ZNF81: variants seen among roughly 807,000 people sequenced by gnomAD.
ZNF81 encodes zinc finger protein 81 (HFZ20).
A neutral mutation model predicts 32.3 loss-of-function variants in ZNF81; 5 were observed. The observed-to-expected ratio is 0.15, with a 90% confidence interval of 0.08 to 0.33. The LOEUF (loss-of-function observed/expected upper bound fraction) is 0.33. ZNF81 is among the 10% of genes least tolerant of loss of function. The pLI, the probability that ZNF81 is intolerant of heterozygous loss-of-function variation, is 1.00. For missense variants in ZNF81, 379 were observed against 479.8 expected (o/e 0.79, Z 1.96); for synonymous variants, 163 against 166.8 (o/e 0.98, Z 0.17).
In ZNF81 at chrX:47,919,852, C is replaced by A. The variant is rs1198500213; in HGVS notation, c.*3220C>A. 1 of 111,593 alleles carries A rather than the reference C, an allele frequency of 9.0e-6. No individual in the cohort carries two copies. Among genetic ancestry groups the A allele is most frequent in the Non-Finnish European group, 1.9e-5 (1 of 53,111 alleles). The allele number at this position is 111,593 out of a possible 1,213,427, so 9.2% of individuals were successfully genotyped here. The stretch of plus-strand genomic sequence containing the variant: ...ATGCAATCATTCAGCCCATAATACC[C>A]TCTAACATATTAATCATAGTTATTT... On this transcript the variant is annotated 3_prime_UTR_variant, in exon 5 of 5. Coordinates refer to ENST00000338637, the MANE Select transcript of ZNF81 (RefSeq NM_007137.5).
chrX:47,852,039 C>T (rs1475418920), intron 2 of ZNF81, among the ~76,000 whole-genome samples: 2 of 112,487 alleles, frequency 1.8e-5, no homozygotes, highest in Non-Finnish European at 3.8e-5. Flanking sequence ...TGCAATAAAG[C>T]GAGTATCTCA....
Position 47,903,309 on chromosome X carries a change from C to G in ZNF81, c.277+7369C>G, listed in dbSNP as rs1344110558. On this transcript the variant is annotated intron_variant, in intron 4 of 4. Transcript: ENST00000338637. ...ATGACATGATTGTATATCTAGAAAA[C>G]CCCATTGTCTCAGCCCAAAATCTCC... is the stretch of plus-strand genomic sequence containing the variant. Among the ~76,000 whole-genome samples, 3 of 102,807 alleles carry G rather than the reference C, an allele frequency of 2.9e-5. No individual in the cohort carries two copies. In the East Asian group the frequency reaches 9.2e-4, roughly 32 times the overall value. 89.3% of individuals were successfully genotyped at this position (102,807 alleles called of 115,157 possible). A position where few individuals can be genotyped will look rare whatever the true frequency, so the allele number is the denominator to read the frequency against.
intron 4 of ZNF81, 147 bp downstream of exon 4, chrX:47,896,087 G>A (rs2058679129): frequency 2.2e-6 from 1 of 452,114 alleles, no homozygotes; most frequent in South Asian, 3.5e-5. Flanking sequence ...CCTCTCGGGT[G>A]CCAAATTGTT....
intron 1 of ZNF81, among the ~76,000 whole-genome samples, chrX:47,843,151 A>G (rs1283434096): frequency 1.8e-5 from 2 of 111,461 alleles, no homozygotes; most frequent in African/African-American, 6.5e-5. Flanking sequence ...ATGATGTAAT[A>G]GGTATCTGTA....
chrX:47,850,040 A>C (rs1323714542), intron 2 of ZNF81, among the ~76,000 whole-genome samples: 3 of 112,083 alleles, frequency 2.7e-5, no homozygotes, highest in African/African-American at 9.7e-5. Flanking sequence ...GTAAATTGAC[A>C]CAATCTCTGG....
intron 1 of ZNF81, 131 bp downstream of exon 1, chrX:47,837,118 A>T (rs1189102475): frequency 7.9e-6 from 1 of 126,521 alleles, no homozygotes; most frequent in Non-Finnish European, 1.6e-5. Context: ...ATCACCGTTA[A>T]GGTCTTAAAG....
At chrX:47,890,995 G>C (rs1343181918) in intron 3 of ZNF81, among the ~76,000 whole-genome samples, 3 of 111,589 alleles carry the variant, frequency 2.7e-5, no homozygotes, top group African/African-American at 9.8e-5. Flanking sequence ...TTGCTCACTA[G>C]GTCCAATCAG....
intron 4 of ZNF81, among the ~76,000 whole-genome samples, chrX:47,898,430 A>G (rs1235631238): frequency 8.9e-6 from 1 of 112,023 alleles, no homozygotes; most frequent in Non-Finnish European, 1.9e-5. Context: ...AAGAAAATAT[A>G]GTTAATACGT....
intron 2 of ZNF81, among the ~76,000 whole-genome samples, chrX:47,853,794 C>G (rs1267345832): frequency 1.8e-5 from 2 of 111,332 alleles, no homozygotes; most frequent in African/African-American, 6.5e-5. Context: ...GAGCAGTCCT[C>G]CCACCTTAGC....
rs782202024 is a variant in ZNF81 at position 47,924,737 on chromosome X, G to A, written c.*8105G>A. On this transcript the variant is annotated 3_prime_UTR_variant, in exon 5 of 5. Transcript: ENST00000338637. The stretch of plus-strand genomic sequence containing the variant: ...TTTATTTACATTCCAGGATAGTAAA[G>A]ATAGAGAATGTCTCCCTCCCTGGAG... Among the ~76,000 whole-genome samples, 15 of 111,498 alleles carry A rather than the reference G, an allele frequency of 1.3e-4. No homozygotes were observed. Among genetic ancestry groups the A allele is most frequent in the Non-Finnish European group, 2.5e-4 (13 of 53,016 alleles).
intron 4 of ZNF81, among the ~76,000 whole-genome samples, chrX:47,904,979 C>T (rs1457301224): frequency 1.2e-4 from 13 of 109,681 alleles, no homozygotes; most frequent in African/African-American, 3.0e-4. Flanking sequence ...AACCAAACAC[C>T]ACATGTTCTC....
intron 2 of ZNF81, among the ~76,000 whole-genome samples, chrX:47,880,521 C>G (rs2058616560): frequency 8.9e-6 from 1 of 112,376 alleles, no homozygotes; most frequent in Admixed American, 9.4e-5. Context: ...GCCTCGTGAT[C>G]ATTGCTTTTA....
intron 1 of ZNF81, among the ~76,000 whole-genome samples, chrX:47,839,257 T>C (rs1388984290): frequency 7.1e-5 from 8 of 112,131 alleles, no homozygotes; most frequent in African/African-American, 2.6e-4. Context: ...GAAACTTCCA[T>C]TTGGAAGCTT....
chrX:47,906,783 C>T (rs1416566995), intron 4 of ZNF81, among the ~76,000 whole-genome samples: 1 of 112,336 alleles, frequency 8.9e-6, no homozygotes, highest in East Asian at 2.8e-4. Flanking sequence ...TGCCACTGCA[C>T]TCCAGCCTAG....
chrX:47,837,258 A>AAAAGTATC (rs2058429013), intron 1 of ZNF81, among the ~76,000 whole-genome samples: 1 of 111,881 alleles, frequency 8.9e-6, no homozygotes, highest in Non-Finnish European at 1.9e-5. Context: ...TCTGTAATGG[A>AAAAGTATC]TCTCTAACCT....
At chrX:47,839,412 A>G (rs782340807) in intron 1 of ZNF81, among the ~76,000 whole-genome samples, 1 of 111,906 alleles carries the variant, frequency 8.9e-6, no homozygotes, top group South Asian at 3.7e-4. Flanking sequence ...CTGAGTGCCA[A>G]CATAATGCCA....
chrX:47,862,306 A>C (rs2058543545), intron 2 of ZNF81, among the ~76,000 whole-genome samples: 1 of 109,689 alleles, frequency 9.1e-6, no homozygotes, highest in Non-Finnish European at 1.9e-5. Flanking sequence ...AGGCAGGCGG[A>C]TCAGGAGTTC....
At chrX:47,838,708 T>C (rs981827398) in intron 1 of ZNF81, among the ~76,000 whole-genome samples, 3 of 112,204 alleles carry the variant, frequency 2.7e-5, no homozygotes, top group Admixed American at 9.5e-5. Flanking sequence ...GATTAGCTAA[T>C]GCTTTTTTGA....
At chrX:47,905,320 A>G (rs1390002919) in intron 4 of ZNF81, among the ~76,000 whole-genome samples, 2 of 103,544 alleles carry the variant, frequency 1.9e-5, no homozygotes, top group Non-Finnish European at 3.9e-5. Context: ...CTGAGACAGG[A>G]GAATCACTTG....
Sources: gnomAD v4.1 joint callset for allele counts (sites outside exome capture counted in the v4.1 genomes callset) on GRCh38, gnomAD v4.1.1 for gene constraint, MANE v1.5 for transcripts, NCBI Gene and HGNC (gene_info 2026-07-23, HGNC 2026-07-21) for gene names.